The following IGFN1 variants were observed in gnomAD, a reference collection of about 807,000 sequenced individuals.
IGFN1 encodes immunoglobulin like and fibronectin type III domain containing 1.
IGFN1 carries 253 observed loss-of-function variants against 289.5 expected under a neutral mutation model. The ratio of observed to expected loss-of-function variants is 0.87; its 90% CI spans 0.79 to 0.97. IGFN1 has a LOEUF of 0.97. IGFN1 is among the 50% of genes least tolerant of loss of function. IGFN1 has a pLI of 0.00. For synonymous variants in IGFN1, 1,706 were observed against 1,788.5 expected (o/e 0.95, Z 1.16); for missense variants, 4,470 against 4,686.1 (o/e 0.95, Z 1.35).
In IGFN1 at chr1:201,228,539, T is replaced by C. The variant is rs750501769; in HGVS notation, c.*140T>C. ...GGAGTGAGAAGATGCCTGGCGAGGT[T>C]TTGGCCAGGAGGACGTGAAGTCCTT... On this transcript the variant is annotated 3_prime_UTR_variant, in exon 24 of 24. Transcript: ENST00000335211. 40 of 934,626 alleles carry C rather than the reference T, an allele frequency of 4.3e-5. No individual in the cohort carries two copies. Among genetic ancestry groups the C allele is most frequent in the Non-Finnish European group, 6.7e-5 (38 of 571,376 alleles). 57.9% of individuals were successfully genotyped at this position (934,626 alleles called of 1,614,324 possible). A position where few individuals can be genotyped will look rare whatever the true frequency, so the allele number is the denominator to read the frequency against.
At chr1:201,217,558 C>T (rs944864479) in intron 17 of IGFN1, 98 bp downstream of exon 17, 22 of 1,303,678 alleles carry the variant, frequency 1.7e-5, no homozygotes, top group Admixed American at 6.9e-5. Context: ...CAGTCGTTCT[C>T]GTCTAGGGTG....
At chr1:201,192,940 T>C (rs190997764) in intron 1 of IGFN1, among the ~76,000 whole-genome samples, 1 of 152,154 alleles carries the variant, frequency 6.6e-6, no homozygotes, top group East Asian at 1.9e-4. Flanking sequence ...GGTAATCAGG[T>C]CTGGGGTCCC....
In IGFN1 at chr1:201,205,410, G is replaced by A. The variant is rs527816935; in HGVS notation, c.1189+56G>A. The stretch of plus-strand genomic sequence containing the variant: ...CCTCCAGGGAAGACCTTGGGGCTGC[G>A]GAGGCATGAGGAAGGCGAGGCAGTG... On this transcript the variant is annotated intron_variant, in intron 11 of 23. Transcript: ENST00000335211. 1.9e-5 allele frequency: 28 copies of A among 1,453,400 alleles called. No homozygotes were observed. In the African/African-American group the frequency reaches 3.1e-4, roughly 16 times the overall value. The allele number at this position is 1,453,400 out of a possible 1,614,324, so 90.0% of individuals were successfully genotyped here.
Position 201,205,197 on chromosome 1 carries a change from G to A in IGFN1, c.1032G>A (p.Arg344=), listed in dbSNP as rs1558139113. Residue 344 remains arginine (R), a synonymous_variant, in exon 11 of 24, where the codon CGG becomes CGA. Transcript: ENST00000335211. ...GCCCTAGTGCAGCCTGGCATTTCCGGCACCGGCTACTCCACCCCAGTGACA... is the reference window on the plus strand; with the variant it reads ...GCCCTAGTGCAGCCTGGCATTTCCGACACCGGCTACTCCACCCCAGTGACA... ...SPCPSAAWHF[R]HRLLHPSDKY... The A allele has an allele frequency of 2.6e-6, 4 of 1,551,252 alleles. No homozygotes were observed. Among genetic ancestry groups the A allele is most frequent in the Non-Finnish European group, 2.6e-6 (3 of 1,146,988 alleles).
Position 201,205,274 on chromosome 1 carries a change from G to T in IGFN1, c.1109G>T (p.Arg370Met), listed in dbSNP as rs752551820. The change falls in exon 11 of 24, where the codon AGG becomes ATG. Residue 370 changes from arginine to methionine, a missense_variant. By Grantham distance (91) the Arg-to-Met change is moderately conservative. This residue lies in a region of IGFN1 where 2,011 missense variants were observed against 1,953.4 expected (regional missense o/e 1.03). Transcript: ENST00000335211. ...PDGLTHRLVV[R>M]GARFSDMGPY... ...GGGCTGACCCACCGGCTGGTGGTGA[G>T]GGGGGCACGTTTCTCAGACATGGGC... is the stretch of plus-strand genomic sequence containing the variant. 2 of 1,550,888 alleles carry T rather than the reference G, an allele frequency of 1.3e-6. No individual in the cohort carries two copies. Among genetic ancestry groups the T allele is most frequent in the South Asian group, 1.2e-5 (1 of 84,060 alleles).
At chr1:201,198,678 C>T (rs936389207) in intron 5 of IGFN1, among the ~76,000 whole-genome samples, 2 of 152,122 alleles carry the variant, frequency 1.3e-5, no homozygotes, top group Non-Finnish European at 2.9e-5. Flanking sequence ...CCTCCCCCCT[C>T]GGCCTCCCAA....
chr1:201,212,504 G>T lies in IGFN1; in HGVS notation c.7611G>T (p.Glu2537Asp), dbSNP rs890138272. 6.5e-7 allele frequency: 1 copy of T among 1,544,118 alleles called. No individual in the cohort carries two copies. The highest frequency in any genetic ancestry group is 2.0e-5 in the Admixed American group (1 of 50,982). Residue 2537 changes from glutamate (E) to aspartate (D), a missense_variant, in exon 12 of 24, where the codon GAG becomes GAT. Physicochemically the swap from Glu to Asp is conservative, Grantham distance 45 (BLOSUM62 2). Transcript: ENST00000335211. ...ATGGCAAGGGGGCAGTGGAAGGTGA[G>T]ACCTGGGCAGGAATGGCTGCTCTAG... ...FLDGKGAVEG[E>D]TWAGMAALGS... is the part of the protein sequence containing the mutation.
intron 2 of IGFN1, among the ~76,000 whole-genome samples, chr1:201,193,809 G>GC (rs1445277064): frequency 1.3e-5 from 2 of 152,162 alleles, no homozygotes; most frequent in East Asian, 3.9e-4. Context: ...GGAGTGCAAA[G>GC]CCCCCACACG....
rs1667950215 is a variant in IGFN1, at chr1:201,213,595, C to G, written c.8702C>G (p.Thr2901Ser). ...TCCACATCCAGATACAAGCCTGGCACTGGCAGTTTCTCCAAGGATGCCCAA... is the reference window on the plus strand; with the variant it reads ...TCCACATCCAGATACAAGCCTGGCAGTGGCAGTTTCTCCAAGGATGCCCAA... ...RSSTSRYKPGTGSFSKDAQGP... is the reference protein window; with the variant it reads ...RSSTSRYKPGSGSFSKDAQGP... Residue 2901 changes from threonine to serine, a missense_variant, in exon 12 of 24, where the codon ACT becomes AGT. Thr to Ser is a moderately conservative substitution (Grantham distance 58). This residue lies in a region of IGFN1 where 2,218 missense variants were observed against 2,114.1 expected (regional missense o/e 1.05). Transcript: ENST00000335211. The G allele has an allele frequency of 6.2e-7, 1 of 1,613,872 alleles. No homozygotes were observed. Among genetic ancestry groups the G allele is most frequent in the Non-Finnish European group, 8.5e-7 (1 of 1,179,860 alleles).
Position 201,206,488 on chromosome 1 carries a change from G to A in IGFN1, c.1595G>A (p.Gly532Glu). 6.4e-7 allele frequency: 1 copy of A among 1,551,388 alleles called. No individual in the cohort carries two copies. Among genetic ancestry groups the A allele is most frequent in the Admixed American group, 2.0e-5 (1 of 51,006 alleles). The stretch of plus-strand genomic sequence containing the variant: ...CTACAGGGAGAGAGCTCAGAATCAG[G>A]GTTGGGCCTCCCAGAAAAACAACAG... ...PHLQGESSES[G>E]LGLPEKQQQD... The change falls in exon 12 of 24, where the codon GGG becomes GAG. Residue 532 changes from glycine to glutamate, a missense_variant. Physicochemically the swap from Gly to Glu is moderately conservative, Grantham distance 98 (BLOSUM62 -2). Transcript: ENST00000335211.
intron 19 of IGFN1, 40 bp downstream of exon 19, chr1:201,221,786 G>A: frequency 6.6e-7 from 1 of 1,524,748 alleles, no homozygotes; most frequent in Non-Finnish European, 8.8e-7. Flanking sequence ...AGCCCTGCAG[G>A]CCTCTCCTAA....
In IGFN1 at chr1:201,206,528, A is replaced by G; in HGVS notation, c.1635A>G (p.Arg545=). The G allele has an allele frequency of 6.4e-7, 1 of 1,551,236 alleles. No homozygotes were observed. Among genetic ancestry groups the G allele is most frequent in the Non-Finnish European group, 8.7e-7 (1 of 1,147,004 alleles). The change falls in exon 12 of 24, where the codon AGA becomes AGG. Residue 545 remains arginine, a synonymous_variant. Coordinates refer to ENST00000335211, the MANE Select transcript of IGFN1 (RefSeq NM_001164586.2). ...LPEKQQQDRG[R]DSNSDECWRK... is the part of the protein sequence containing the mutation. The stretch of plus-strand genomic sequence containing the variant: ...AAAAACAACAGCAAGATCGTGGCAG[A>G]GACAGCAACAGTGATGAATGCTGGA...
In IGFN1 at chr1:201,211,675, G is replaced by A. The variant is rs541034562; in HGVS notation, c.6782G>A (p.Gly2261Asp). Residue 2261 changes from glycine to aspartate, a missense_variant, in exon 12 of 24, where the codon GGT (glycine) becomes GAT (aspartate). Transcript: ENST00000335211. ...RKDLGAPEEM[G>D]SGSYTDYRNG... ...GATTTGGGAGCTCCTGAGGAAATGGGTTCAGGCAGTTACACAGATTACAGG... is the reference window on the plus strand; with the variant it reads ...GATTTGGGAGCTCCTGAGGAAATGGATTCAGGCAGTTACACAGATTACAGG... 3 of 1,537,046 alleles carry A rather than the reference G, an allele frequency of 2.0e-6. No individual in the cohort carries two copies. The highest frequency in any genetic ancestry group is 2.4e-5 in the South Asian group (2 of 84,060).
chr1:201,226,155 G>C (rs1654082839), intron 22 of IGFN1, 32 bp downstream of exon 22: 1 of 1,545,864 alleles, frequency 6.5e-7, no homozygotes, highest in Non-Finnish European at 8.7e-7. Context: ...GGAGCAGGCA[G>C]GGTGGGGGTT....
Position 201,209,228 on chromosome 1 carries a change from C to A in IGFN1, c.4335C>A (p.Gly1445=). 6.9e-7 allele frequency: 1 copy of A among 1,452,922 alleles called. No individual in the cohort carries two copies. Among genetic ancestry groups the A allele is most frequent in the Non-Finnish European group, 9.0e-7 (1 of 1,111,688 alleles). 90.0% of individuals were successfully genotyped at this position (1,452,922 alleles called of 1,614,324 possible). A position where few individuals can be genotyped will look rare whatever the true frequency, so the allele number is the denominator to read the frequency against. Residue 1445 remains glycine (G), a synonymous_variant, in exon 12 of 24, where the codon GGC becomes GGA. Coordinates refer to ENST00000335211, the MANE Select transcript of IGFN1 (RefSeq NM_001164586.2). ...GTGSKAGYRD[G]LRGSGEMRSM... is the part of the protein sequence containing the mutation. Reference sequence around the variant, plus strand: ...GGAGCAAGGCAGGTTATAGGGATGGCTTAAGGGGTTCTGGAGAAATGAGGT... The same window carrying A: ...GGAGCAAGGCAGGTTATAGGGATGGATTAAGGGGTTCTGGAGAAATGAGGT...
rs1455758782 is a variant in IGFN1, at chr1:201,207,256, T to C, written c.2363T>C (p.Leu788Pro). 2.6e-6 allele frequency: 4 copies of C among 1,536,612 alleles called. No individual in the cohort carries two copies. The highest frequency in any genetic ancestry group is 2.7e-5 in the African/African-American group (2 of 73,014). Residue 788 changes from leucine (L) to proline (P), a missense_variant, in exon 12 of 24, where the codon CTA (leucine) becomes CCA (proline). Leu to Pro is a moderately conservative substitution (Grantham distance 98). Around this residue, in one of 8 missense-constraint regions of IGFN1, gnomAD observed 2,011 missense variants for 1,953.4 expected, o/e 1.03. Coordinates refer to ENST00000335211, the MANE Select transcript of IGFN1 (RefSeq NM_001164586.2). ...PGDPRGCEGV[L>P]QELRGRDGQE... ...GACCCCAGAGGCTGCGAAGGTGTCC[T>C]ACAGGAGCTCAGGGGAAGGGATGGC...
rs1197456353 is a variant in IGFN1, at chr1:201,200,332, A to G, written c.554A>G (p.Lys185Arg). 2 of 1,551,654 alleles carry G rather than the reference A, an allele frequency of 1.3e-6. No individual in the cohort carries two copies. The highest frequency in any genetic ancestry group is 2.7e-5 in the African/African-American group (2 of 73,044). ...DRKDYEKICL[K>R]YGIVDYRGML... ...AAGGACTACGAGAAGATCTGCTTGAAGTATGGCATCGTCGACTACCGTGGC... is the reference window on the plus strand; with the variant it reads ...AAGGACTACGAGAAGATCTGCTTGAGGTATGGCATCGTCGACTACCGTGGC... Residue 185 changes from lysine to arginine, a missense_variant, in exon 8 of 24, where the codon AAG (lysine) becomes AGG (arginine). Coordinates refer to ENST00000335211, the MANE Select transcript of IGFN1 (RefSeq NM_001164586.2).
chr1:201,210,779 T>C lies in IGFN1; in HGVS notation c.5886T>C (p.Tyr1962=). The C allele has an allele frequency of 6.5e-7, 1 of 1,528,734 alleles. No individual in the cohort carries two copies. Among genetic ancestry groups the C allele is most frequent in the Non-Finnish European group, 8.7e-7 (1 of 1,144,062 alleles). 94.7% of individuals were successfully genotyped at this position (1,528,734 alleles called of 1,614,324 possible). A position where few individuals can be genotyped will look rare whatever the true frequency, so the allele number is the denominator to read the frequency against. The change falls in exon 12 of 24, where the codon TAT becomes TAC. Residue 1962 remains tyrosine, a synonymous_variant. Coordinates refer to ENST00000335211, the MANE Select transcript of IGFN1 (RefSeq NM_001164586.2). The part of the protein sequence containing the change: ...EEMGSVNKAG[Y]RKDLGAPKGM... Reference sequence around the variant, plus strand: ...TGGGGTCAGTGAATAAGGCAGGTTATAGGAAGGATTTGGGGGCTCCTAAGG... The same window carrying C: ...TGGGGTCAGTGAATAAGGCAGGTTACAGGAAGGATTTGGGGGCTCCTAAGG...
chr1:201,197,713 G>A (rs929290412), intron 5 of IGFN1, among the ~76,000 whole-genome samples: 1 of 152,158 alleles, frequency 6.6e-6, no homozygotes, highest in Non-Finnish European at 1.5e-5. Context: ...TCACACAAAG[G>A]CCAAATTCTC....
Sources: gnomAD v4.1 joint callset for allele counts (sites outside exome capture counted in the v4.1 genomes callset) on GRCh38, gnomAD v4.1.1 for gene constraint, gnomAD v4.1.1 regional missense constraint, MANE v1.5 for transcripts, NCBI Gene and HGNC (gene_info 2026-07-23, HGNC 2026-07-21) for gene names.